Variants in AP4E1 observed in about 807,000 individuals in gnomAD.
The protein encoded by AP4E1 is AP-4 complex subunit epsilon-1.
A neutral mutation model predicts 128.2 loss-of-function variants in AP4E1; 56 were observed. That is an observed-to-expected ratio of 0.44 (90% CI 0.35 to 0.55). AP4E1 has a LOEUF of 0.55. Among genes scored for constraint, AP4E1 ranks in the 20% least tolerant of loss-of-function variants. The pLI is 0.00. For synonymous variants in AP4E1, 484 were observed against 473.1 expected (o/e 1.02, Z -0.30); for missense variants, 1,324 against 1,307.7 (o/e 1.01, Z -0.19).
At chr15:50,942,829 A>G (rs1284703032) in intron 10 of AP4E1, among the ~76,000 whole-genome samples, 3 of 151,902 alleles carry the variant, frequency 2.0e-5, no homozygotes, top group African/African-American at 7.2e-5. Flanking sequence ...TTCAAATGGT[A>G]TATGGGACCT....
intron 10 of AP4E1, chr15:50,944,656 C>A (rs1567226884): frequency 5.3e-6 from 2 of 376,736 alleles, no homozygotes; most frequent in Non-Finnish European, 4.8e-6. Flanking sequence ...AGAAGAGCAA[C>A]CAAGATGAGG....
chr15:50,929,170 T>G lies in AP4E1; in HGVS notation c.702+2T>G. The stretch of plus-strand genomic sequence containing the variant: ...CATATATATCTTAGAATGATTAAGG[T>G]AAGTTGGAAATTTTAGCAAGTACTG... On this transcript the variant is annotated splice_donor_variant, in intron 6 of 20. Transcript: ENST00000261842. LOFTEE classifies it high-confidence loss of function. The G allele has an allele frequency of 6.2e-7, 1 of 1,613,512 alleles. No individual in the cohort carries two copies. Among genetic ancestry groups the G allele is most frequent in the Non-Finnish European group, 8.5e-7 (1 of 1,179,828 alleles).
In AP4E1 at chr15:50,925,115, C is replaced by A; in HGVS notation, c.438C>A (p.Asn146Lys). 1 of 1,614,028 alleles carries A rather than the reference C, an allele frequency of 6.2e-7. No homozygotes were observed. Among genetic ancestry groups the A allele is most frequent in the Non-Finnish European group, 8.5e-7 (1 of 1,179,920 alleles). The change falls in exon 5 of 21, where the codon AAC becomes AAA. Residue 146 changes from asparagine (N) to lysine (K), a missense_variant. Asn to Lys is a moderately conservative substitution (Grantham distance 94). Transcript: ENST00000261842. ...TGTGCCAGGATCTGCAGAGCACTAACCTAGTAGAAGTGTGTATGGCACTGA... is the reference window on the plus strand; with the variant it reads ...TGTGCCAGGATCTGCAGAGCACTAAACTAGTAGAAGTGTGTATGGCACTGA... ...NTVVKDLQST[N>K]LVEVCMALTV...
intron 3 of AP4E1, among the ~76,000 whole-genome samples, chr15:50,921,505 C>A (rs765197364): frequency 6.6e-6 from 1 of 151,900 alleles, no homozygotes; most frequent in Non-Finnish European, 1.5e-5. Context: ...AGTGTCACCA[C>A]GTCTGTCTAA....
At chr15:50,957,827 C>A (rs1055286684) in intron 13 of AP4E1, among the ~76,000 whole-genome samples, 19 of 151,968 alleles carry the variant, frequency 1.3e-4, no homozygotes, top group African/African-American at 4.6e-4. Flanking sequence ...TAGGCGTGTG[C>A]CACCACACCT....
At chr15:50,956,156 T>C (rs2064220323) in intron 13 of AP4E1, among the ~76,000 whole-genome samples, 1 of 152,148 alleles carries the variant, frequency 6.6e-6, no homozygotes, top group Non-Finnish European at 1.5e-5. Flanking sequence ...AAATACATCT[T>C]CTCCATCTTC....
At chr15:50,962,525 A>G (rs2064329503) in intron 14 of AP4E1, among the ~76,000 whole-genome samples, 1 of 152,020 alleles carries the variant, frequency 6.6e-6, no homozygotes, top group African/African-American at 2.4e-5. Flanking sequence ...TTCAATAAAT[A>G]GTGTTGAAAA....
At chr15:50,981,897 C>A (rs1293990287) in intron 15 of AP4E1, among the ~76,000 whole-genome samples, 1 of 151,952 alleles carries the variant, frequency 6.6e-6, no homozygotes, top group Non-Finnish European at 1.5e-5. Flanking sequence ...ACCAGCCTGA[C>A]CAACATGGAG....
At chr15:50,918,365 A>G (rs1207668679) in intron 3 of AP4E1, among the ~76,000 whole-genome samples, 5 of 152,172 alleles carry the variant, frequency 3.3e-5, no homozygotes, top group African/African-American at 1.2e-4. Flanking sequence ...TTCCTTTGGC[A>G]TGAAATGGGC....
chr15:50,990,112 A>C (rs1217273657), intron 16 of AP4E1, among the ~76,000 whole-genome samples: 1 of 152,120 alleles, frequency 6.6e-6, no homozygotes, highest in Non-Finnish European at 1.5e-5. Context: ...AAGGTTAGTT[A>C]CTTGGTCAGA....
rs1371344676 is a variant in AP4E1, at chr15:50,967,184, C to T, written c.1852-1079C>T. ...TATATTAGGATAGTTAAATCAAAGG[C>T]ACTGTGGGAGGCTGAATAATGGCCC... On this transcript the variant is annotated intron_variant, in intron 14 of 20. Coordinates refer to ENST00000261842, the MANE Select transcript of AP4E1 (RefSeq NM_007347.5). Among the ~76,000 whole-genome samples the T allele has an allele frequency of 2.0e-5, 3 of 152,142 alleles. No individual in the cohort carries two copies. In the South Asian group the frequency reaches 6.2e-4, roughly 32 times the overall value.
chr15:50,965,575 A>T (rs2064380846), intron 14 of AP4E1, among the ~76,000 whole-genome samples: 1 of 152,232 alleles, frequency 6.6e-6, no homozygotes, highest in South Asian at 2.1e-4. Flanking sequence ...GAGGATACAG[A>T]GGAAGGAGAT....
At chr15:50,959,391 A>G (rs1320365055) in intron 14 of AP4E1, among the ~76,000 whole-genome samples, 1 of 152,158 alleles carries the variant, frequency 6.6e-6, no homozygotes, top group Non-Finnish European at 1.5e-5. Context: ...ACCTTATTTT[A>G]TAGGCAAGGA....
intron 10 of AP4E1, among the ~76,000 whole-genome samples, chr15:50,947,457 T>G (rs948992089): frequency 6.6e-6 from 1 of 151,720 alleles, no homozygotes; most frequent in Non-Finnish European, 1.5e-5. Flanking sequence ...CAGTTCTTCC[T>G]TGATGACTGA....
chr15:50,985,334 T>C (rs2064705430), intron 16 of AP4E1, among the ~76,000 whole-genome samples: 1 of 152,226 alleles, frequency 6.6e-6, no homozygotes, highest in Admixed American at 6.5e-5. Flanking sequence ...TTTGTCAATT[T>C]TGGCTTTTGT....
chr15:50,936,553 G>T (rs1433972611), intron 8 of AP4E1, among the ~76,000 whole-genome samples: 1 of 152,038 alleles, frequency 6.6e-6, no homozygotes, highest in Non-Finnish European at 1.5e-5. Context: ...CTTTCCTGGG[G>T]ATAACCACTG....
At chr15:50,986,351 A>G (rs905482818) in intron 16 of AP4E1, among the ~76,000 whole-genome samples, 1 of 152,130 alleles carries the variant, frequency 6.6e-6, no homozygotes, top group Non-Finnish European at 1.5e-5. Context: ...TGTGTTGAAT[A>G]GGAGTGGTGA....
At chr15:50,990,189 T>G (rs2064784457) in intron 16 of AP4E1, among the ~76,000 whole-genome samples, 1 of 152,042 alleles carries the variant, frequency 6.6e-6, no homozygotes, top group Non-Finnish European at 1.5e-5. Context: ...AAACCATGTA[T>G]TATATAATAG....
chr15:50,998,009 A>C lies in AP4E1; in HGVS notation c.2904+126A>C, dbSNP rs1325796717. The C allele has an allele frequency of 7.0e-6, 5 of 710,436 alleles. No individual in the cohort carries two copies. In the Admixed American group the frequency reaches 1.2e-4, roughly 16 times the overall value. 44.0% of individuals were successfully genotyped at this position (710,436 alleles called of 1,614,324 possible). On this transcript the variant is annotated intron_variant, in intron 18 of 20. Transcript: ENST00000261842. ...AAACGAAATTCTCAAATTATTTAGC[A>C]AAGTAGAAGATTAAGGAGTAAGGAT...
Sources: gnomAD v4.1 joint callset for allele counts (sites outside exome capture counted in the v4.1 genomes callset) on GRCh38, gnomAD v4.1.1 for gene constraint, MANE v1.5 for transcripts, NCBI Gene and HGNC (gene_info 2026-07-23, HGNC 2026-07-21) for gene names.